The following ZBTB44 variants were observed in gnomAD, a reference collection of about 807,000 sequenced individuals.
ZBTB44 encodes zinc finger and BTB domain-containing protein 44.
In ZBTB44, 15 loss-of-function variants were observed where a neutral mutation model predicts 54.0. That is an observed-to-expected ratio of 0.28 (90% CI 0.19 to 0.43). The LOEUF is 0.43. Ranked by LOEUF, ZBTB44 falls within the 20% of genes least tolerant of loss-of-function variation. The pLI is 1.00. For missense variants in ZBTB44, 487 were observed against 707.1 expected, an observed-to-expected ratio of 0.69 and a Z score of 3.53; for synonymous variants, 230 against 250.1, an observed-to-expected ratio of 0.92 and a Z score of 0.76.
chr11:130,267,137 G>A (rs1392850463), intron 1 of ZBTB44, among the ~76,000 whole-genome samples: 3 of 152,012 alleles, frequency 2.0e-5, no homozygotes, highest in African/African-American at 7.2e-5. Context: ...GACGTCACAT[G>A]CCTGTAGTCC....
intron 2 of ZBTB44, among the ~76,000 whole-genome samples, chr11:130,254,380 CA>C (rs1938269113): frequency 6.6e-6 from 1 of 152,004 alleles, no homozygotes; most frequent in Non-Finnish European, 1.5e-5. Context: ...AAGAAAAAAA[CA>C]AACAACAACA....
chr11:130,303,588 TG>T (rs1390422379), intron 1 of ZBTB44, among the ~76,000 whole-genome samples: 1 of 152,056 alleles, frequency 6.6e-6, no homozygotes, highest in Non-Finnish European at 1.5e-5. Context: ...TGAGCCAAGA[TG>T]GCGCCATTGC....
At chr11:130,248,571 G>A (rs1461353811) in intron 2 of ZBTB44, among the ~76,000 whole-genome samples, 6 of 151,864 alleles carry the variant, frequency 4.0e-5, no homozygotes, top group Admixed American at 3.9e-4. Context: ...AACTCAGGAG[G>A]CAGAGGTTGC....
rs1363330550 is a variant in ZBTB44, at chr11:130,230,418, T to TG, written c.*1345_*1346insC. On this transcript the variant is annotated 3_prime_UTR_variant, in exon 8 of 8. Transcript: ENST00000357899. The stretch of plus-strand genomic sequence containing the variant: ...AGTATTTTAACAAGATGAAAGTTTT[T>TG]TTTTTTTTTTTTTTTTGCTAGTTAT... 6.8e-6 allele frequency: 1 copy of TG among 146,974 alleles called. No individual in the cohort carries two copies. Among genetic ancestry groups the TG allele is most frequent in the African/African-American group, 2.6e-5 (1 of 39,094 alleles). 9.1% of individuals were successfully genotyped at this position (146,974 alleles called of 1,614,324 possible).
intron 1 of ZBTB44, among the ~76,000 whole-genome samples, chr11:130,279,476 C>T (rs1387465766): frequency 1.1e-4 from 17 of 151,980 alleles, no homozygotes; most frequent in Non-Finnish European, 2.4e-4. Flanking sequence ...CTGGCCAACA[C>T]GGCAAAACCC....
In ZBTB44 at chr11:130,238,704, T is replaced by C. The variant is rs945020950; in HGVS notation, c.1104-97A>G. On this transcript the variant is annotated intron_variant, in intron 3 of 7. Coordinates refer to ENST00000357899, the MANE Select transcript of ZBTB44 (RefSeq NM_001301098.2). ...TTTTAAATGAAAAAAGATAAAACAC[T>C]TAAAGACTTTTTGAAACAGTTTAAC... 54 of 1,249,918 alleles carry C rather than the reference T, an allele frequency of 4.3e-5. No individual in the cohort carries two copies. The African/African-American group carries it at 6.8e-4, about 16-fold the overall frequency. The allele number at this position is 1,249,918 out of a possible 1,614,324, so 77.4% of individuals were successfully genotyped here.
At chr11:130,299,170 T>C (rs1941851983) in intron 1 of ZBTB44, among the ~76,000 whole-genome samples, 1 of 152,082 alleles carries the variant, frequency 6.6e-6, no homozygotes, top group Non-Finnish European at 1.5e-5. Flanking sequence ...AAGTGCAAAG[T>C]GGTATGTTCA....
intron 1 of ZBTB44, among the ~76,000 whole-genome samples, chr11:130,292,508 AG>A (rs1263332640): frequency 6.6e-6 from 1 of 152,208 alleles, no homozygotes; most frequent in Admixed American, 6.5e-5. Context: ...CAAGATCATA[AG>A]AAAAAAATTA....
rs1592026849 is a variant in ZBTB44 at position 130,283,125 on chromosome 11, A to G, written c.-56-21196T>C. 2.0e-5 allele frequency among the ~76,000 whole-genome samples: 3 copies of G among 146,982 alleles called. No homozygotes were observed. The South Asian group carries it at 6.5e-4, about 32-fold the overall frequency. ...AGTGGCGCAACCTTGGCTCACTGCA[A>G]CCTCCATCTCCCAGGTTCAAGCAAT... On this transcript the variant is annotated intron_variant, in intron 1 of 7. Transcript: ENST00000357899.
intron 1 of ZBTB44, among the ~76,000 whole-genome samples, chr11:130,269,423 T>C (rs1939509454): frequency 6.6e-6 from 1 of 152,222 alleles, no homozygotes; most frequent in Admixed American, 6.5e-5. Context: ...AATTTAGACT[T>C]TGTGCAGCAT....
At chr11:130,284,706 A>C (rs1258090652) in intron 1 of ZBTB44, among the ~76,000 whole-genome samples, 1 of 152,174 alleles carries the variant, frequency 6.6e-6, no homozygotes, top group Non-Finnish European at 1.5e-5. Context: ...GTCTCTACTA[A>C]AAATACAAAA....
chr11:130,264,200 T>C (rs1939082791), intron 1 of ZBTB44, among the ~76,000 whole-genome samples: 1 of 152,236 alleles, frequency 6.6e-6, no homozygotes, highest in African/African-American at 2.4e-5. Flanking sequence ...TGTTAAGTGT[T>C]TAGAATAGTA....
intron 4 of ZBTB44, among the ~76,000 whole-genome samples, chr11:130,238,241 T>C (rs1954197446): frequency 6.6e-6 from 1 of 152,244 alleles, no homozygotes; most frequent in African/African-American, 2.4e-5. Flanking sequence ...TTATGTTCTT[T>C]TAATCAGAAT....
At chr11:130,258,908 T>TA (rs775719669) in intron 2 of ZBTB44, among the ~76,000 whole-genome samples, 6 of 152,114 alleles carry the variant, frequency 3.9e-5, no homozygotes, top group African/African-American at 7.2e-5. Flanking sequence ...CACTTTGTGA[T>TA]AAAAAATCAC....
chr11:130,240,482 A>T (rs942320688), intron 2 of ZBTB44, among the ~76,000 whole-genome samples: 3 of 152,236 alleles, frequency 2.0e-5, no homozygotes, highest in Non-Finnish European at 2.9e-5. Flanking sequence ...AGCGAACAAA[A>T]ATCCACATAA....
At chr11:130,268,387 C>A (rs2134174578) in intron 1 of ZBTB44, among the ~76,000 whole-genome samples, 1 of 152,170 alleles carries the variant, frequency 6.6e-6, no homozygotes, top group East Asian at 1.9e-4. Context: ...GACCTTCCAC[C>A]AACAAAAAGA....
intron 1 of ZBTB44, chr11:130,296,123 A>G (rs977098891): frequency 1.3e-6 from 2 of 1,522,780 alleles, no homozygotes; most frequent in South Asian, 1.1e-5. Context: ...ACATGTAGAC[A>G]GACTATGCTC....
chr11:130,249,522 G>A (rs1365613976), intron 2 of ZBTB44, among the ~76,000 whole-genome samples: 1 of 152,136 alleles, frequency 6.6e-6, no homozygotes, highest in East Asian at 1.9e-4. Flanking sequence ...TGGCCGAATA[G>A]GAACAGCTCC....
intron 2 of ZBTB44, among the ~76,000 whole-genome samples, chr11:130,257,105 C>T (rs950155314): frequency 6.6e-6 from 1 of 151,912 alleles, no homozygotes; most frequent in African/African-American, 2.4e-5. Context: ...GCAAAAATCA[C>T]AAGCGTTCCT....
Sources: allele counts gnomAD v4.1 joint callset (sites outside exome capture counted in the v4.1 genomes callset), GRCh38; gene constraint gnomAD v4.1.1; transcripts MANE v1.5; gene names NCBI Gene and HGNC (gene_info 2026-07-23, HGNC 2026-07-21).